The following HPCA variants were observed in gnomAD, a reference collection of about 807,000 sequenced individuals.
HPCA encodes the protein neuron-specific calcium-binding protein hippocalcin.
A neutral mutation model predicts 18.2 loss-of-function variants in HPCA; 4 were observed. The ratio of observed to expected loss-of-function variants is 0.22; its 90% confidence interval spans 0.11 to 0.50. The LOEUF is 0.50. HPCA is among the 20% of genes least tolerant of loss of function. HPCA has a pLI of 0.97. For missense variants in HPCA, 161 were observed against 265.8 expected, an observed-to-expected ratio of 0.61 and a Z score of 2.74; for synonymous variants, 93 against 103.5, an observed-to-expected ratio of 0.90 and a Z score of 0.61.
rs1318375861 is a variant in HPCA at position 32,894,155 on chromosome 1, C to A, written c.*293C>A. On this transcript the variant is annotated 3_prime_UTR_variant, in exon 4 of 4. Transcript: ENST00000373467. ...CAGCCCCAAGGCCCGACCCCTCCCC[C>A]AAAGGGGCAGTCCCCTTCTTGCAGG... is the stretch of plus-strand genomic sequence containing the variant. 1.5e-5 allele frequency: 6 copies of A among 412,840 alleles called. No individual in the cohort carries two copies. Among genetic ancestry groups the A allele is most frequent in the African/African-American group, 8.0e-5 (4 of 49,752 alleles). The allele number at this position is 412,840 out of a possible 1,614,324, so 25.6% of individuals were successfully genotyped here. A position where few individuals can be genotyped will look rare whatever the true frequency, so the allele number is the denominator to read the frequency against.
intron 1 of HPCA, among the ~76,000 whole-genome samples, chr1:32,887,518 C>CT (rs1557538708): frequency 1.3e-5 from 2 of 152,094 alleles, no homozygotes; most frequent in African/African-American, 2.4e-5. Flanking sequence ...ACTCAGCCTC[C>CT]ACAATCTAAC....
intron 2 of HPCA, among the ~76,000 whole-genome samples, chr1:32,891,378 C>T (rs1335697019): frequency 6.6e-6 from 1 of 152,254 alleles, no homozygotes; most frequent in African/African-American, 2.4e-5. Context: ...AAGACCCAGC[C>T]CTCTGCCAGG....
chr1:32,888,269 C>G (rs897635131), intron 1 of HPCA, among the ~76,000 whole-genome samples: 2 of 152,178 alleles, frequency 1.3e-5, no homozygotes, highest in African/African-American at 4.8e-5. Context: ...CCTAGGTGAT[C>G]TGACTCTGGA....
chr1:32,892,982 T>G (rs184061584), intron 2 of HPCA, among the ~76,000 whole-genome samples: 3 of 152,066 alleles, frequency 2.0e-5, no homozygotes, highest in African/African-American at 4.8e-5. Flanking sequence ...ATTTGCATAC[T>G]GTTCCCCGCC....
chr1:32,889,307 C>A lies in HPCA; in HGVS notation c.378+31C>A. On this transcript the variant is annotated intron_variant, in intron 2 of 3. Transcript: ENST00000373467. This position sits in a 1 kb window ranked among gnomAD's most constrained non-coding sequence, Gnocchi z 4.6. ...CCCCTGGGCCCCTCAGAATGCCAGG[C>A]ACAGGGCCCGGCAGCTTGCACCCAC... 6.3e-7 allele frequency: 1 copy of A among 1,587,866 alleles called. No individual in the cohort carries two copies. Among genetic ancestry groups the A allele is most frequent in the South Asian group, 1.1e-5 (1 of 87,062 alleles).
intron 2 of HPCA, among the ~76,000 whole-genome samples, chr1:32,891,677 AG>A (rs1641455235): frequency 6.6e-6 from 1 of 152,240 alleles, no homozygotes; most frequent in African/African-American, 2.4e-5. Flanking sequence ...TATATGTCCA[AG>A]GCTACACAGT....
rs200141644 is a variant in HPCA at position 32,893,508 on chromosome 1, C to T, written c.379-16C>T. ...GGCAGGCTCCTCTCACTCCCCGCCTCCCCTCCCGCCCCCAGGCCATTTACA... is the reference window on the plus strand; with the variant it reads ...GGCAGGCTCCTCTCACTCCCCGCCTTCCCTCCCGCCCCCAGGCCATTTACA... On this transcript the variant is annotated splice_polypyrimidine_tract_variant and intron_variant, in intron 2 of 3. Transcript: ENST00000373467. This position sits in a 1 kb window ranked among gnomAD's most constrained non-coding sequence, Gnocchi z 7.5. 5.7e-6 allele frequency: 9 copies of T among 1,573,086 alleles called. No individual in the cohort carries two copies. In the African/African-American group the frequency reaches 1.2e-4, roughly 21 times the overall value.
chr1:32,892,103 A>C (rs967518419), intron 2 of HPCA, among the ~76,000 whole-genome samples: 2 of 152,196 alleles, frequency 1.3e-5, no homozygotes. Context: ...AAAGACTGTA[A>C]ATGCTGGAGA....
At chr1:32,890,873 TA>T (rs916316159) in intron 2 of HPCA, among the ~76,000 whole-genome samples, 18 of 152,230 alleles carry the variant, frequency 1.2e-4, no homozygotes, top group African/African-American at 4.3e-4. Context: ...GGGAAAGCCC[TA>T]ATGTTTGCCA....
chr1:32,887,440 G>C (rs775547328), intron 1 of HPCA, among the ~76,000 whole-genome samples: 10 of 152,116 alleles, frequency 6.6e-5, no homozygotes, highest in Admixed American at 5.9e-4. Context: ...AAGTGGGTGG[G>C]GGTCACCTGC....
chr1:32,894,056 C>T lies in HPCA; in HGVS notation c.*194C>T, dbSNP rs1186380650. On this transcript the variant is annotated 3_prime_UTR_variant, in exon 4 of 4. Transcript: ENST00000373467. ...AAAGCAAGTAAGCGGTTAGCACCCCCCAATCCCAGAGGCAACAATAGAGAC... is the reference window on the plus strand; with the variant it reads ...AAAGCAAGTAAGCGGTTAGCACCCCTCAATCCCAGAGGCAACAATAGAGAC... 2 of 583,666 alleles carry T rather than the reference C, an allele frequency of 3.4e-6. No individual in the cohort carries two copies. Among genetic ancestry groups the T allele is most frequent in the Non-Finnish European group, 6.1e-6 (2 of 327,136 alleles). The allele number at this position is 583,666 out of a possible 1,614,324, so 36.2% of individuals were successfully genotyped here.
At position 32,894,639 on chromosome 1, in the gene HPCA, T is replaced by G; in HGVS notation, c.*777T>G. 1.2e-6 allele frequency: 1 copy of G among 816,412 alleles called. No individual in the cohort carries two copies. Among genetic ancestry groups the G allele is most frequent in the Non-Finnish European group, 1.9e-6 (1 of 526,622 alleles). 50.6% of individuals were successfully genotyped at this position (816,412 alleles called of 1,614,324 possible). A position where few individuals can be genotyped will look rare whatever the true frequency, so the allele number is the denominator to read the frequency against. On this transcript the variant is annotated 3_prime_UTR_variant, in exon 4 of 4. Transcript: ENST00000373467. ...AATAATTTCAGAATAAAGTCTCATTTCAGTGCAGTGGGCTGGGTGGTGGGG... is the reference window on the plus strand; with the variant it reads ...AATAATTTCAGAATAAAGTCTCATTGCAGTGCAGTGGGCTGGGTGGTGGGG...
chr1:32,887,557 A>G (rs1641390760), intron 1 of HPCA, among the ~76,000 whole-genome samples: 1 of 152,022 alleles, frequency 6.6e-6, no homozygotes, highest in Admixed American at 6.6e-5. Context: ...TCAGGACTAG[A>G]TGAAGGGTAA....
intron 1 of HPCA, among the ~76,000 whole-genome samples, chr1:32,887,626 C>T (rs1641392729): frequency 6.6e-6 from 1 of 152,144 alleles, no homozygotes; most frequent in African/African-American, 2.4e-5. Context: ...GGGCCCCGAG[C>T]AGGTCTGGGA....
intron 1 of HPCA, among the ~76,000 whole-genome samples, chr1:32,887,622 C>T (rs1004753924): frequency 2.0e-5 from 3 of 152,196 alleles, no homozygotes; most frequent in African/African-American, 4.8e-5. Flanking sequence ...AAAGGGGCCC[C>T]GAGCAGGTCT....
chr1:32,888,745 C>G (rs1453500095), intron 1 of HPCA, 133 bp from the exon 2 acceptor site: 1 of 809,804 alleles, frequency 1.2e-6, no homozygotes, highest in Non-Finnish European at 2.0e-6. Context: ...TGACCTTGGG[C>G]CAGTTCCTCT....
chr1:32,891,096 A>ACCACGC (rs1641445934), intron 2 of HPCA, among the ~76,000 whole-genome samples: 1 of 152,210 alleles, frequency 6.6e-6, no homozygotes, highest in Non-Finnish European at 1.5e-5. Context: ...TGCTGGAGCC[A>ACCACGC]CCACGCCCGG....
At chr1:32,887,231 A>C (rs999743983) in intron 1 of HPCA, among the ~76,000 whole-genome samples, 18 of 152,026 alleles carry the variant, frequency 1.2e-4, no homozygotes, top group African/African-American at 4.3e-4. Flanking sequence ...TCATTCCCTC[A>C]CGCTGTGACG....
chr1:32,893,685 T>G lies in HPCA; in HGVS notation c.484+56T>G. ...GGGCGGGCGCCTTTCCCTCCCTCCC[T>G]CCCTGCCTCCCTTTCCCGCTCCGCC... On this transcript the variant is annotated intron_variant, in intron 3 of 3. Transcript: ENST00000373467. The surrounding 1 kb of genome is among the most constrained non-coding windows in gnomAD (Gnocchi z 7.5). 1 of 706,328 alleles carries G rather than the reference T, an allele frequency of 1.4e-6. No individual in the cohort carries two copies. The highest frequency in any genetic ancestry group is 2.3e-6 in the Non-Finnish European group (1 of 429,250). 43.8% of individuals were successfully genotyped at this position (706,328 alleles called of 1,614,324 possible). A position where few individuals can be genotyped will look rare whatever the true frequency, so the allele number is the denominator to read the frequency against.
Sources: gnomAD v4.1 joint callset for allele counts (sites outside exome capture counted in the v4.1 genomes callset) on GRCh38, gnomAD v4.1.1 for gene constraint, Gnocchi (gnomAD v3.1) non-coding constraint, MANE v1.5 for transcripts, NCBI Gene and HGNC (gene_info 2026-07-23, HGNC 2026-07-21) for gene names.